Variants in LIPI observed in about 807,000 individuals in gnomAD.
LIPI encodes lipase I, also known as lipase member I.
Under a neutral mutation model 50.6 loss-of-function variants are expected in LIPI, and 59 were observed. The ratio of observed to expected loss-of-function variants is 1.16; its 90% confidence interval spans 0.94 to 1.45. LIPI has a LOEUF of 1.45. Ranked by LOEUF, LIPI falls within the 40% of genes most tolerant of loss-of-function variation. LIPI has a pLI of 0.00. For missense variants in LIPI, 586 were observed against 536.3 expected, an observed-to-expected ratio of 1.09 and a Z score of -0.92; for synonymous variants, 203 against 178.2, an observed-to-expected ratio of 1.14 and a Z score of -1.11.
chr21:14,208,154 T>C (rs1234208219), intron 1 of LIPI, among the ~76,000 whole-genome samples: 1 of 152,178 alleles, frequency 6.6e-6, no homozygotes, highest in Non-Finnish European at 1.5e-5. Context: ...GTTGAGGCAC[T>C]CAGCTCAGAA....
chr21:14,153,234 T>A (rs138196798), intron 7 of LIPI, among the ~76,000 whole-genome samples: 1,656 of 152,284 alleles, frequency 0.011, 71 homozygotes, highest in Admixed American at 0.085. Flanking sequence ...GATGCTGAAC[T>A]CACTTCTATA....
chr21:14,137,612 A>G (rs910976880), intron 9 of LIPI, among the ~76,000 whole-genome samples: 1 of 152,190 alleles, frequency 6.6e-6, no homozygotes, highest in Non-Finnish European at 1.5e-5. Context: ...AAGGGGAAAT[A>G]CAAGATTTAT....
intron 4 of LIPI, among the ~76,000 whole-genome samples, chr21:14,174,572 GA>G (rs2019029168): frequency 7.3e-6 from 1 of 136,258 alleles, no homozygotes; most frequent in Non-Finnish European, 1.7e-5. Flanking sequence ...TTATTTTTTA[GA>G]AATGGAGTCT....
At chr21:14,126,581 T>C (rs972241000) in intron 9 of LIPI, among the ~76,000 whole-genome samples, 2 of 152,206 alleles carry the variant, frequency 1.3e-5, no homozygotes, top group African/African-American at 4.8e-5. Flanking sequence ...TTTTTCCTTG[T>C]CATTATCCCC....
At chr21:14,125,753 C>T (rs1048104465) in intron 9 of LIPI, among the ~76,000 whole-genome samples, 7 of 152,010 alleles carry the variant, frequency 4.6e-5, no homozygotes, top group Non-Finnish European at 1.0e-4. Flanking sequence ...AGAGACAGGT[C>T]TTCACCATGT....
In LIPI at chr21:14,130,276, G is replaced by A. The variant is rs185489225; in HGVS notation, c.1295+14347C>T. Among the ~76,000 whole-genome samples the A allele has an allele frequency of 1.2e-3, 188 of 152,256 alleles. 3 individuals carry two copies. Among genetic ancestry groups the A allele is most frequent in the South Asian group, 7.5e-3 (36 of 4,824 alleles). Reference sequence around the variant, plus strand: ...AATCGTGTGAACCCTGGATGCGGAAGTTGCAGTGAGCCGAGATTGTGCTAT... The same window carrying A: ...AATCGTGTGAACCCTGGATGCGGAAATTGCAGTGAGCCGAGATTGTGCTAT... On this transcript the variant is annotated intron_variant, in intron 9 of 9. Transcript: ENST00000681601.
chr21:14,184,220 G>T (rs8127314), intron 3 of LIPI, among the ~76,000 whole-genome samples: 6,564 of 151,998 alleles, frequency 0.043, 181 homozygotes, highest in African/African-American at 0.072. Context: ...GCAAACTATC[G>T]CAAGGACAAA....
intron 9 of LIPI, among the ~76,000 whole-genome samples, chr21:14,110,836 T>C (rs950864421): frequency 1.3e-4 from 19 of 150,320 alleles, no homozygotes; most frequent in Non-Finnish European, 2.5e-4. Flanking sequence ...CTGAATAGTA[T>C]TCCAATTTAT....
intron 6 of LIPI, among the ~76,000 whole-genome samples, chr21:14,164,416 T>C (rs1029267794): frequency 2.6e-5 from 4 of 152,180 alleles, no homozygotes; most frequent in Non-Finnish European, 5.9e-5. Flanking sequence ...AAATTGGCAA[T>C]GCCTGAACAG....
At chr21:14,129,996 C>T (rs1050425842) in intron 9 of LIPI, among the ~76,000 whole-genome samples, 10 of 151,884 alleles carry the variant, frequency 6.6e-5, no homozygotes, top group African/African-American at 1.9e-4. Context: ...CATTTGAGGA[C>T]CAAGGAAAAA....
intron 1 of LIPI, among the ~76,000 whole-genome samples, chr21:14,191,962 G>T (rs1032745755): frequency 6.6e-6 from 1 of 152,150 alleles, no homozygotes; most frequent in Admixed American, 6.5e-5. Context: ...TCATTCAATA[G>T]CCAGACATGA....
At position 14,170,786 on chromosome 21, in the gene LIPI, T is replaced by G. The variant is rs561535302; in HGVS notation, c.644-4335A>C. On this transcript the variant is annotated intron_variant, in intron 4 of 9. Transcript: ENST00000681601. The stretch of plus-strand genomic sequence containing the variant: ...CTGAATGGGCAAAAACTGGAAGCAT[T>G]CCCTTTGAAAACTGGCACAAGACAG... Among the ~76,000 whole-genome samples the G allele has an allele frequency of 1.2e-3, 185 of 151,192 alleles. 1 individual carries two copies. The highest frequency in any genetic ancestry group is 4.4e-3 in the African/African-American group (180 of 41,230).
chr21:14,178,432 A>G (rs1040676027), intron 4 of LIPI, among the ~76,000 whole-genome samples: 1 of 152,028 alleles, frequency 6.6e-6, no homozygotes, highest in Non-Finnish European at 1.5e-5. Flanking sequence ...CTTTTCACCT[A>G]CTTTTTAGTT....
intron 4 of LIPI, 82 bp from the exon 5 acceptor site, chr21:14,166,533 C>T: frequency 1.3e-6 from 1 of 777,916 alleles, no homozygotes; most frequent in Non-Finnish European, 2.3e-6. Context: ...CCTATAAAAT[C>T]CATTGAAAGT....
At chr21:14,183,924 C>T (rs1235587100) in intron 3 of LIPI, among the ~76,000 whole-genome samples, 1 of 152,174 alleles carries the variant, frequency 6.6e-6, no homozygotes, top group African/African-American at 2.4e-5. Context: ...GTGGCGATTC[C>T]TCAGGGATCT....
rs1337776519 is a variant in LIPI, at chr21:14,133,065, A to C, written c.1295+11558T>G. ...CAGGACCAGATGGATTCACAACCAA[A>C]TTCTACCAAACACACAAGAAACTAA... is the stretch of plus-strand genomic sequence containing the variant. On this transcript the variant is annotated intron_variant, in intron 9 of 9. Coordinates refer to ENST00000681601, the MANE Select transcript of LIPI (RefSeq NM_001302998.2). 2.6e-5 allele frequency among the ~76,000 whole-genome samples: 4 copies of C among 152,334 alleles called. No homozygotes were observed. The Middle Eastern group carries it at 0.01, about 389-fold the overall frequency.
intron 4 of LIPI, among the ~76,000 whole-genome samples, chr21:14,166,974 C>G (rs894587058): frequency 6.6e-6 from 1 of 152,234 alleles, no homozygotes; most frequent in Non-Finnish European, 1.5e-5. Context: ...GAAAGGGTGA[C>G]AGATGGCACC....
intron 3 of LIPI, among the ~76,000 whole-genome samples, chr21:14,182,515 A>G (rs964115435): frequency 2.0e-5 from 3 of 152,192 alleles, no homozygotes; most frequent in Admixed American, 6.5e-5. Context: ...CATCTATACA[A>G]TGAAGAAACA....
intron 8 of LIPI, among the ~76,000 whole-genome samples, chr21:14,152,082 T>A (rs937334636): frequency 7.7e-6 from 1 of 130,260 alleles, no homozygotes; most frequent in Non-Finnish European, 1.6e-5. Flanking sequence ...TTTATTTATT[T>A]ATTTATTTAT....
Sources: gnomAD v4.1 joint callset for allele counts (sites outside exome capture counted in the v4.1 genomes callset) on GRCh38, gnomAD v4.1.1 for gene constraint, MANE v1.5 for transcripts, NCBI Gene and HGNC (gene_info 2026-07-23, HGNC 2026-07-21) for gene names.